Variants in HEATR4 observed in about 807,000 individuals in gnomAD.
HEATR4 encodes the protein HEAT repeat containing 4, also known as HEAT repeat-containing protein 4.
In HEATR4, 95 loss-of-function variants were observed where a neutral mutation model predicts 108.8. That is an observed-to-expected ratio of 0.87 (90% confidence interval 0.74 to 1.04). HEATR4 has a LOEUF of 1.04. Ranked by LOEUF, HEATR4 falls within the 50% of genes least tolerant of loss-of-function variation. The probability of loss-of-function intolerance (pLI) is 0.00; values close to 1 mark genes in which losing one functional copy is unlikely to be tolerated. For synonymous variants in HEATR4, 443 were observed against 459.4 expected, an observed-to-expected ratio of 0.96 and a Z score of 0.46; for missense variants, 1,152 against 1,253.8, an observed-to-expected ratio of 0.92 and a Z score of 1.23.
At chr14:73,574,263 A>ATGTTTTTTCTTTC in the HEATR4 span, 1 of 107,436 alleles carries the variant, frequency 9.3e-6, no homozygotes, top group Non-Finnish European at 2.0e-5. Flanking sequence ...AAATTCCAGT[A>ATGTTTTTTCTTTC]TTTTTTTTTT....
rs200376408 is a variant in HEATR4 at position 73,519,023 on chromosome 14, A to G, written c.1210T>C (p.Ser404Pro). Residue 404 changes from serine to proline, a missense_variant and splice_region_variant, in exon 5 of 18, where the codon TCT (serine) becomes CCT (proline). Coordinates refer to ENST00000553558, the MANE Select transcript of HEATR4 (RefSeq NM_001220484.1). ...CCTTCCCTGTTAGCTTCCTGCTTAC[A>G]TGCTTCAGGAATTGCCTGGGCACTC... The part of the protein sequence containing the change: ...KWSAQAIPEA[S>P]YRPVQGALRW... 1.2e-6 allele frequency: 2 copies of G among 1,611,734 alleles called. No homozygotes were observed. Among genetic ancestry groups the G allele is most frequent in the South Asian group, 1.1e-5 (1 of 90,700 alleles).
At chr14:73,567,891 C>T in the HEATR4 span, 2 of 152,060 alleles carry the variant, frequency 1.3e-5, no homozygotes, top group Non-Finnish European at 2.9e-5. Flanking sequence ...GACCATGAAC[C>T]CACCAGAAGG....
Position 73,530,794 on chromosome 14 carries a change from A to ATTTT in HEATR4, c.-151-554_-151-551dup, listed in dbSNP as rs59208614. On this transcript the variant is annotated intron_variant, in intron 1 of 17. Transcript: ENST00000553558. ...CACATAGCACACCACTCTCGGTTAA[A>ATTTT]TTTTTTTTTTTTTTTTTTTTTTTTT... Among the ~76,000 whole-genome samples, 254 of 57,748 alleles carry ATTTT rather than the reference A, an allele frequency of 4.4e-3. 10 individuals are homozygous for ATTTT. In the South Asian group the frequency reaches 0.064, roughly 15 times the overall value. 37.9% of individuals were successfully genotyped at this position (57,748 alleles called of 152,430 possible). A position where few individuals can be genotyped will look rare whatever the true frequency, so the allele number is the denominator to read the frequency against.
At chr14:73,562,967 C>A (rs1259238994), upstream of HEATR4, among the ~76,000 whole-genome samples, 1 of 151,840 alleles carries the variant, frequency 6.6e-6, no homozygotes, top group Non-Finnish European at 1.5e-5. Context: ...TGTCCTATTC[C>A]CTCAGAAGCA....
the HEATR4 span, chr14:73,619,847 G>A: frequency 6.4e-7 from 1 of 1,573,406 alleles, no homozygotes; most frequent in Non-Finnish European, 8.6e-7. Context: ...TAACATTGTA[G>A]CCACAGACCA....
Position 73,506,532 on chromosome 14 carries a change from A to G in HEATR4, c.1921T>C (p.Cys641Arg). 1 of 1,613,850 alleles carries G rather than the reference A, an allele frequency of 6.2e-7. No individual in the cohort carries two copies. Among genetic ancestry groups the G allele is most frequent in the Non-Finnish European group, 8.5e-7 (1 of 1,180,018 alleles). ...GCCACAATCCGGTTCTTCCATTGAC[A>G]GCTGTTCAGCTCCACAGCAAGCATG... The part of the protein sequence containing the change: ...HTMLAVELNS[C>R]QWKNRIVACQ... The change falls in exon 10 of 18, where the codon TGT becomes CGT. Residue 641 changes from cysteine (C) to arginine (R), a missense_variant. By Grantham distance (180) the Cys-to-Arg change is radical. Coordinates refer to ENST00000553558, the MANE Select transcript of HEATR4 (RefSeq NM_001220484.1).
chr14:73,598,541 G>C, the HEATR4 span, among the ~76,000 whole-genome samples: 1 of 152,066 alleles, frequency 6.6e-6, no homozygotes, highest in African/African-American at 2.4e-5. Context: ...GTGTTTGCCA[G>C]GAACACCTGC....
At chr14:73,516,654 G>A (rs1250546264) in intron 5 of HEATR4, among the ~76,000 whole-genome samples, 4 of 152,236 alleles carry the variant, frequency 2.6e-5, no homozygotes, top group East Asian at 1.9e-4. Flanking sequence ...CCAGGCCATG[G>A]GCCTGTACCA....
chr14:73,611,389 C>T, the HEATR4 span: 1 of 152,246 alleles, frequency 6.6e-6, no homozygotes, highest in African/African-American at 2.4e-5. Flanking sequence ...TCCTATCAGA[C>T]TGCCCCCTTC....
the HEATR4 span, among the ~76,000 whole-genome samples, chr14:73,591,533 C>CTT: frequency 4.0e-5 from 6 of 149,026 alleles, no homozygotes; most frequent in African/African-American, 1.5e-4. Context: ...ACAGAGGAGA[C>CTT]TCTGTTTCAA....
the HEATR4 span, chr14:73,592,372 CG>C: frequency 6.4e-7 from 1 of 1,570,114 alleles, no homozygotes; most frequent in Middle Eastern, 1.7e-4. Flanking sequence ...CGGCGCCAGT[CG>C]GTGCGAGCGG....
chr14:73,535,746 T>C lies in HEATR4; in HGVS notation c.-151-5502A>G. On this transcript the variant is annotated intron_variant, in intron 1 of 17. Coordinates refer to ENST00000553558, the MANE Select transcript of HEATR4 (RefSeq NM_001220484.1). Reference sequence around the variant, plus strand: ...CACCCGCCTCGGCCTCCCAAAGTGCTGGGATTACAGGCGCGAGCCACCGCG... The same window carrying C: ...CACCCGCCTCGGCCTCCCAAAGTGCCGGGATTACAGGCGCGAGCCACCGCG... 1.7e-5 allele frequency among the ~76,000 whole-genome samples: 2 copies of C among 114,510 alleles called. 1 individual carries two copies. The highest frequency in any genetic ancestry group is 3.8e-5 in the Non-Finnish European group (2 of 52,508). The allele number at this position is 114,510 out of a possible 152,430, so 75.1% of individuals were successfully genotyped here. A position where few individuals can be genotyped will look rare whatever the true frequency, so the allele number is the denominator to read the frequency against.
At chr14:73,580,123 TG>T in the HEATR4 span, among the ~76,000 whole-genome samples, 4 of 151,842 alleles carry the variant, frequency 2.6e-5, no homozygotes, top group Non-Finnish European at 5.9e-5. Flanking sequence ...TACAAAGTGA[TG>T]GGTGGGGCAG....
Position 73,492,983 on chromosome 14 carries a change from C to T in HEATR4, c.2844+83G>A. On this transcript the variant is annotated intron_variant, in intron 17 of 17. Coordinates refer to ENST00000553558, the MANE Select transcript of HEATR4 (RefSeq NM_001220484.1). This position sits in a 1 kb window ranked among gnomAD's most constrained non-coding sequence, Gnocchi z 4.9. ...CTGGAAACAAGGCAGTAGTGATTCT[C>T]CGCTGCCACTGCTACCTTTTTTTTT... is the stretch of plus-strand genomic sequence containing the variant. The T allele has an allele frequency of 6.3e-7, 1 of 1,594,132 alleles. No individual in the cohort carries two copies. The highest frequency in any genetic ancestry group is 8.5e-7 in the Non-Finnish European group (1 of 1,174,082).
chr14:73,509,520 T>C (rs748917985), intron 7 of HEATR4, 47 bp from the exon 8 acceptor site: 41 of 1,598,118 alleles, frequency 2.6e-5, no homozygotes, highest in Non-Finnish European at 3.3e-5. Context: ...CCTTTGCTTT[T>C]CTCACACACA....
At chr14:73,581,946 A>C in the HEATR4 span, 1 of 64,618 alleles carries the variant, frequency 1.5e-5, no homozygotes, top group Admixed American at 2.1e-4. Flanking sequence ...CACCCCAACC[A>C]CTCAGAACCC....
At chr14:73,490,872 C>G in intron 17 of HEATR4, 1 of 804,248 alleles carries the variant, frequency 1.2e-6, no homozygotes, top group Non-Finnish European at 1.7e-6. Context: ...CGGGAGGGGC[C>G]GAATAGAAGA....
At chr14:73,503,035 A>C (rs1194576040) in intron 10 of HEATR4, 22 bp from the exon 11 acceptor site, 6 of 1,543,790 alleles carry the variant, frequency 3.9e-6, no homozygotes, top group Admixed American at 3.3e-5. Flanking sequence ...TATGATCATT[A>C]GGTATCATCA....
chr14:73,484,474 A>G (rs1308085099), intron 17 of HEATR4, among the ~76,000 whole-genome samples: 1 of 151,950 alleles, frequency 6.6e-6, no homozygotes, highest in Non-Finnish European at 1.5e-5. Flanking sequence ...TGTCTCCCGC[A>G]TTCAAGCAAT....
Sources: allele counts gnomAD v4.1 joint callset (sites outside exome capture counted in the v4.1 genomes callset), GRCh38; gene constraint gnomAD v4.1.1; non-coding constraint Gnocchi (gnomAD v3.1); transcripts MANE v1.5; gene names NCBI Gene and HGNC (gene_info 2026-07-23, HGNC 2026-07-21).